AFG3L2: variants seen among roughly 807,000 people sequenced by gnomAD.
AFG3L2 encodes the protein mitochondrial inner membrane m-AAA protease component AFG3L2.
AFG3L2 carries 54 observed loss-of-function variants against 94.5 expected under a neutral mutation model. That is an observed-to-expected ratio of 0.57 (90% confidence interval 0.46 to 0.72). The LOEUF (loss-of-function observed/expected upper bound fraction) is 0.72. Among genes scored for constraint, AFG3L2 ranks in the 30% least tolerant of loss-of-function variants. The pLI, the probability that AFG3L2 is intolerant of heterozygous loss-of-function variation, is 0.00. For missense variants in AFG3L2, 754 were observed against 994.9 expected (o/e 0.76, Z 3.26); for synonymous variants, 377 against 365.5 (o/e 1.03, Z -0.36).
intron 13 of AFG3L2, among the ~76,000 whole-genome samples, chr18:12,346,881 G>A (rs537087641): frequency 1.4e-5 from 2 of 144,830 alleles, no homozygotes; most frequent in African/African-American, 2.6e-5. Context: ...TTCAGCCTGG[G>A]GGAGAGGGCA....
At chr18:12,372,610 A>C (rs972130534) in intron 1 of AFG3L2, among the ~76,000 whole-genome samples, 2 of 152,252 alleles carry the variant, frequency 1.3e-5, no homozygotes, top group Non-Finnish European at 2.9e-5. Flanking sequence ...AGCCTTATTC[A>C]TAACAGTCAA....
chr18:12,345,799 T>C (rs559898358), intron 13 of AFG3L2, among the ~76,000 whole-genome samples: 228 of 152,240 alleles, frequency 1.5e-3, no homozygotes, highest in Non-Finnish European at 2.4e-3. Flanking sequence ...CAGTGAATTA[T>C]TATATTTTGC....
In AFG3L2 at chr18:12,360,158, ATAAAT is replaced by A. The variant is rs553710051; in HGVS notation, c.628-112_628-108del. The A allele has an allele frequency of 5.9e-4, 624 of 1,058,050 alleles. 4 individuals are homozygous for A. In the African/African-American group the frequency reaches 9.0e-3, roughly 15 times the overall value. 65.5% of individuals were successfully genotyped at this position (1,058,050 alleles called of 1,614,324 possible). On this transcript the variant is annotated intron_variant, in intron 6 of 16. Coordinates refer to ENST00000269143, the MANE Select transcript of AFG3L2 (RefSeq NM_006796.3). ...AATTTTCCAGAAATACTGAAAATTTATAAATTAAAGAATAAACAATAATAAAAGAC... is the reference window on the plus strand; with the variant it reads ...AATTTTCCAGAAATACTGAAAATTTATAAAGAATAAACAATAATAAAAGAC...
At chr18:12,376,786 G>A (rs1909171076) in intron 1 of AFG3L2, among the ~76,000 whole-genome samples, 183 bp downstream of exon 1, 2 of 152,356 alleles carry the variant, frequency 1.3e-5, no homozygotes, top group South Asian at 2.1e-4. Flanking sequence ...CCACAGGCAG[G>A]GCTGAGCGCG....
rs551015841 is a variant in AFG3L2, at chr18:12,337,481, G to A, written c.2035C>T (p.Arg679Cys). ...KVGQISFDLP[R>C]QGDMVLEKPY... ...TTCTCCAATACCATGTCCCCCTGAC[G>A]TGGGAGGTCAAAGGAGATTTGCCCA... is the stretch of plus-strand genomic sequence containing the variant. The change falls in exon 16 of 17, where the codon CGT (arginine) becomes TGT (cysteine). Residue 679 changes from arginine (R) to cysteine (C), a missense_variant. By Grantham distance (180) the Arg-to-Cys change is radical (BLOSUM62 -3). Transcript: ENST00000269143. 7.0e-5 allele frequency: 113 copies of A among 1,614,236 alleles called. 2 individuals are homozygous for A. In the South Asian group the frequency reaches 1.0e-3, roughly 15 times the overall value.
rs1466606544 is a variant in AFG3L2 at position 12,344,131 on chromosome 18, C to T, written c.1779+1G>A. On this transcript the variant is annotated splice_donor_variant, in intron 14 of 16. Coordinates refer to ENST00000269143, the MANE Select transcript of AFG3L2 (RefSeq NM_006796.3). LOFTEE classifies it high-confidence loss of function. ...TGCCTAGTGCAGCTACCCTGCTTCA[C>T]CTTTAAAAGCGGGTCTGCGTGCTCC... 2.5e-6 allele frequency: 4 copies of T among 1,612,906 alleles called. No individual in the cohort carries two copies. The Admixed American group carries it at 6.7e-5, about 27-fold the overall frequency.
intron 1 of AFG3L2, among the ~76,000 whole-genome samples, 194 bp from the exon 2 acceptor site, chr18:12,371,885 A>G (rs995574481): frequency 2.6e-5 from 4 of 152,224 alleles, no homozygotes; most frequent in Admixed American, 6.5e-5. Flanking sequence ...AAGAACCAGG[A>G]GACACACATT....
intron 9 of AFG3L2, among the ~76,000 whole-genome samples, chr18:12,355,523 A>C (rs1908465122): frequency 6.6e-6 from 1 of 152,230 alleles, no homozygotes; most frequent in Admixed American, 6.5e-5. Flanking sequence ...GTGGTTCCTT[A>C]AAATGTTAAA....
At chr18:12,354,145 C>CCCCCCCCCCCCCCCCCCCCCCCCCGCT (rs143596998) in intron 9 of AFG3L2, among the ~76,000 whole-genome samples, 1 of 108,702 alleles carries the variant, frequency 9.2e-6, no homozygotes, top group Admixed American at 9.2e-5. Context: ...CCCCCCCCCC[C>CCCCCCCCCCCCCCCCCCCCCCCCCGCT]ACTTCACTGG....
At chr18:12,334,356 G>C (rs1568132761) in intron 16 of AFG3L2, among the ~76,000 whole-genome samples, 2 of 152,190 alleles carry the variant, frequency 1.3e-5, no homozygotes, top group Non-Finnish European at 2.9e-5. Flanking sequence ...CTGTGGATGG[G>C]TGGGAGAACT....
Position 12,367,280 on chromosome 18 carries a change from T to C in AFG3L2, c.395A>G (p.Gln132Arg). ...KDDSHWWSRF[Q>R]KGDIPWDDKD... ...ACACAATGTATAGCATCAAACCTTC[T>C]GAAACCTGGACCACCAGTGAGAATC... Residue 132 changes from glutamine (Q) to arginine (R), a missense_variant, in exon 4 of 17, where the codon CAG becomes CGG. Gln to Arg is a conservative substitution (Grantham distance 43, BLOSUM62 1). Transcript: ENST00000269143. 6.2e-7 allele frequency: 1 copy of C among 1,614,196 alleles called. No homozygotes were observed. The highest frequency in any genetic ancestry group is 8.5e-7 in the Non-Finnish European group (1 of 1,180,040).
In AFG3L2 at chr18:12,370,829, A is replaced by G. The variant is rs772340082; in HGVS notation, c.292+20T>C. The G allele has an allele frequency of 3.5e-5, 53 of 1,500,866 alleles. No individual in the cohort carries two copies. The Admixed American group carries it at 9.1e-4, about 26-fold the overall frequency. The allele number at this position is 1,500,866 out of a possible 1,614,324, so 93.0% of individuals were successfully genotyped here. ...TGAGGGGAAAACACAAAATTCAAAT[A>G]TAATATTGTCAAAAGGTACCTTTTT... On this transcript the variant is annotated intron_variant, in intron 3 of 16. Transcript: ENST00000269143.
intron 8 of AFG3L2, among the ~76,000 whole-genome samples, chr18:12,358,125 A>T (rs1452575380): frequency 1.3e-5 from 2 of 152,196 alleles, no homozygotes; most frequent in African/African-American, 4.8e-5. Flanking sequence ...CCATTTAACA[A>T]ATATGAAGTT....
intron 2 of AFG3L2, 34 bp from the exon 3 acceptor site, chr18:12,370,960 A>T: frequency 7.7e-7 from 1 of 1,299,986 alleles, no homozygotes; most frequent in Non-Finnish European, 1.1e-6. Flanking sequence ...CTTATCTTCA[A>T]ACTAAAATTC....
At chr18:12,363,759 C>T (rs370095905) in intron 6 of AFG3L2, 23 bp downstream of exon 6, 6 of 1,582,196 alleles carry the variant, frequency 3.8e-6, no homozygotes, top group African/African-American at 1.3e-5. Context: ...AACTAATTCA[C>T]ATCAATTAAT....
chr18:12,338,070 GTTTC>G (rs1360999073), intron 15 of AFG3L2, among the ~76,000 whole-genome samples: 2 of 151,966 alleles, frequency 1.3e-5, no homozygotes, highest in Non-Finnish European at 2.9e-5. Flanking sequence ...CCACTACCTG[GTTTC>G]TTTTTGTTTT....
At chr18:12,358,173 T>A (rs1017361733) in intron 8 of AFG3L2, among the ~76,000 whole-genome samples, 2 of 152,224 alleles carry the variant, frequency 1.3e-5, no homozygotes, top group Non-Finnish European at 2.9e-5. Flanking sequence ...CCAAGCCCTG[T>A]AGGGTACAGC....
chr18:12,335,253 CA>C (rs1907703764), intron 16 of AFG3L2, among the ~76,000 whole-genome samples: 1 of 152,196 alleles, frequency 6.6e-6, no homozygotes, highest in Non-Finnish European at 1.5e-5. Context: ...CAACCTGAGA[CA>C]AATGTGTATT....
chr18:12,329,576 CTT>C lies in AFG3L2; in HGVS notation c.2381_2382del (p.Lys794SerfsTer45). On this transcript the variant is annotated frameshift_variant, in exon 17 of 17. Coordinates refer to ENST00000269143, the MANE Select transcript of AFG3L2 (RefSeq NM_006796.3). LOFTEE classifies it high-confidence loss of function. ...CTCCCTCTGGGCCTCTAGTTGGCAA[CTT>C]TCTCACCCGGGGGCTCCTCTTTCTC... is the stretch of plus-strand genomic sequence containing the variant. ...EKEKEEPPGE[K>X]VAN The C allele has an allele frequency of 6.2e-7, 1 of 1,613,926 alleles. No individual in the cohort carries two copies. The highest frequency in any genetic ancestry group is 2.2e-5 in the East Asian group (1 of 44,888).
Sources: gnomAD v4.1 joint callset for allele counts (sites outside exome capture counted in the v4.1 genomes callset) on GRCh38, gnomAD v4.1.1 for gene constraint, MANE v1.5 for transcripts, NCBI Gene and HGNC (gene_info 2026-07-23, HGNC 2026-07-21) for gene names.